The following MAGI2 variants were observed in gnomAD, a reference collection of about 807,000 sequenced individuals.
MAGI2 encodes membrane associated guanylate kinase, WW and PDZ domain containing 2.
A neutral mutation model predicts 133.3 loss-of-function variants in MAGI2; 35 were observed. The ratio of observed to expected loss-of-function variants is 0.26; its 90% CI spans 0.20 to 0.35. The LOEUF (loss-of-function observed/expected upper bound fraction) is 0.35. MAGI2 is among the 10% of genes least tolerant of loss of function. The probability of loss-of-function intolerance (pLI) is 1.00; values close to 1 mark genes in which losing one functional copy is unlikely to be tolerated. For missense variants in MAGI2, 1,636 were observed against 1,863.4 expected, an observed-to-expected ratio of 0.88 and a Z score of 2.25; for synonymous variants, 729 against 710.6, an observed-to-expected ratio of 1.03 and a Z score of -0.41.
At chr7:78,059,355 G>A (rs1812982028) in intron 21 of MAGI2, among the ~76,000 whole-genome samples, 1 of 152,226 alleles carries the variant, frequency 6.6e-6, no homozygotes, top group Non-Finnish European at 1.5e-5. Flanking sequence ...TTCTTTGGCA[G>A]TGTCAATATG....
chr7:78,695,104 A>G (rs1165169091), intron 2 of MAGI2, among the ~76,000 whole-genome samples: 1 of 152,162 alleles, frequency 6.6e-6, no homozygotes, highest in Non-Finnish European at 1.5e-5. Flanking sequence ...GGGTGCCTGT[A>G]GTCCCAGCTA....
intron 6 of MAGI2, among the ~76,000 whole-genome samples, chr7:78,385,509 A>G (rs1795301112): frequency 1.3e-5 from 2 of 152,176 alleles, no homozygotes; most frequent in Admixed American, 6.5e-5. Flanking sequence ...CTGACTCCCT[A>G]TTTGGTATTA....
At chr7:79,075,067 A>G (rs1325013931) in intron 1 of MAGI2, among the ~76,000 whole-genome samples, 1 of 152,182 alleles carries the variant, frequency 6.6e-6, no homozygotes, top group African/African-American at 2.4e-5. Context: ...CAATTGTCAA[A>G]TCCTCCCACA....
intron 1 of MAGI2, among the ~76,000 whole-genome samples, chr7:79,382,471 A>AT (rs1843860755): frequency 6.6e-6 from 1 of 151,580 alleles, no homozygotes; most frequent in African/African-American, 2.4e-5. Flanking sequence ...CTTGGGGTTA[A>AT]GCCTACAGTA....
At chr7:78,328,229 A>C (rs565806087) in intron 9 of MAGI2, among the ~76,000 whole-genome samples, 5 of 152,090 alleles carry the variant, frequency 3.3e-5, no homozygotes, top group South Asian at 2.1e-4. Context: ...GTTAAAAAAA[A>C]CCCAAAAACC....
chr7:78,957,526 T>C (rs1802490300), intron 2 of MAGI2, among the ~76,000 whole-genome samples: 2 of 152,152 alleles, frequency 1.3e-5, no homozygotes, highest in South Asian at 4.1e-4. Context: ...TATATGTATA[T>C]GTAAGTACAT....
chr7:78,967,693 G>A (rs917174716), intron 2 of MAGI2, among the ~76,000 whole-genome samples: 8 of 151,708 alleles, frequency 5.3e-5, no homozygotes, highest in Admixed American at 3.3e-4. Flanking sequence ...AAAATGACTT[G>A]TTAAACAGAC....
chr7:78,502,845 G>A (rs1232203668), intron 4 of MAGI2, among the ~76,000 whole-genome samples: 1 of 152,062 alleles, frequency 6.6e-6, no homozygotes, highest in Non-Finnish European at 1.5e-5. Flanking sequence ...TGAGAAGAAG[G>A]AACGCACAAG....
intron 1 of MAGI2, among the ~76,000 whole-genome samples, chr7:79,235,039 T>C (rs988944710): frequency 2.0e-5 from 3 of 151,724 alleles, no homozygotes; most frequent in African/African-American, 7.3e-5. Context: ...GCAGGTCTGT[T>C]GGAATACCCT....
chr7:78,757,854 C>T (rs1368576149), intron 2 of MAGI2, among the ~76,000 whole-genome samples: 1 of 152,174 alleles, frequency 6.6e-6, no homozygotes, highest in African/African-American at 2.4e-5. Flanking sequence ...GGGCTTTAAA[C>T]ACTATAATAA....
chr7:79,064,878 C>T (rs1352226067), intron 1 of MAGI2, among the ~76,000 whole-genome samples: 1 of 152,028 alleles, frequency 6.6e-6, no homozygotes, highest in African/African-American at 2.4e-5. Context: ...AAATAATGTA[C>T]TTGTTCACTG....
At chr7:78,489,899 C>T in intron 5 of MAGI2, 59 bp from the exon 6 acceptor site, 1 of 1,172,160 alleles carries the variant, frequency 8.5e-7, no homozygotes, top group Non-Finnish European at 1.1e-6. Flanking sequence ...AAGTTTATTC[C>T]TTAAGAAAAA....
intron 14 of MAGI2, among the ~76,000 whole-genome samples, chr7:78,171,585 C>T (rs148234586): frequency 5.9e-5 from 9 of 152,318 alleles, no homozygotes; most frequent in African/African-American, 1.9e-4. Flanking sequence ...TCACTGATCA[C>T]GTCCCAAGTT....
At chr7:79,171,909 A>C (rs1459701724) in intron 1 of MAGI2, among the ~76,000 whole-genome samples, 2 of 151,144 alleles carry the variant, frequency 1.3e-5, no homozygotes, top group Non-Finnish European at 3.0e-5. Flanking sequence ...GAGATGGTTC[A>C]CATGTAAAAA....
intron 1 of MAGI2, among the ~76,000 whole-genome samples, chr7:79,232,593 A>T: frequency 1.4e-5 from 1 of 72,034 alleles, no homozygotes; most frequent in East Asian, 3.9e-4. Context: ...AGGTGTTTGT[A>T]GTATTCTCTG....
chr7:78,049,472 C>T (rs751568381), intron 21 of MAGI2, among the ~76,000 whole-genome samples: 4 of 152,336 alleles, frequency 2.6e-5, no homozygotes, highest in Admixed American at 1.3e-4. Context: ...TCAGCCATTC[C>T]GCTTAATTCC....
intron 1 of MAGI2, among the ~76,000 whole-genome samples, chr7:79,284,713 T>C (rs1285699449): frequency 1.3e-5 from 2 of 152,148 alleles, no homozygotes; most frequent in African/African-American, 4.8e-5. Flanking sequence ...AGAAGATCAA[T>C]AGTTTCAGTT....
At chr7:79,138,113 T>A (rs902772296) in intron 1 of MAGI2, among the ~76,000 whole-genome samples, 1 of 152,208 alleles carries the variant, frequency 6.6e-6, no homozygotes, top group Admixed American at 6.5e-5. Context: ...GCAGCTCTGC[T>A]GACTCTTGAT....
intron 2 of MAGI2, among the ~76,000 whole-genome samples, chr7:78,884,877 T>C (rs572894893): frequency 2.4e-4 from 37 of 152,334 alleles, no homozygotes; most frequent in African/African-American, 7.5e-4. Context: ...CATGCATGTT[T>C]ATCATAGTAC....
Sources: gnomAD v4.1 joint callset for allele counts (sites outside exome capture counted in the v4.1 genomes callset) on GRCh38, gnomAD v4.1.1 for gene constraint, MANE v1.5 for transcripts, NCBI Gene and HGNC (gene_info 2026-07-23, HGNC 2026-07-21) for gene names.